CWC27: variants seen among roughly 807,000 people sequenced by gnomAD.
CWC27 encodes the protein CWC27 spliceosome associated cyclophilin.
A neutral mutation model predicts 63.6 loss-of-function variants in CWC27; 47 were observed. That is an observed-to-expected ratio of 0.74 (90% CI 0.58 to 0.94). The LOEUF (loss-of-function observed/expected upper bound fraction) is 0.94. CWC27 is among the 40% of genes least tolerant of loss of function. The pLI is 0.00. For missense variants in CWC27, 495 were observed against 554.3 expected (o/e 0.89, Z 1.07); for synonymous variants, 175 against 179.8 (o/e 0.97, Z 0.22).
intron 2 of CWC27, among the ~76,000 whole-genome samples, chr5:64,780,273 A>G (rs1384499561): frequency 6.6e-6 from 1 of 152,078 alleles, no homozygotes; most frequent in African/African-American, 2.4e-5. Context: ...CATCATATGT[A>G]TATATCACAT....
intron 11 of CWC27, among the ~76,000 whole-genome samples, chr5:64,895,422 G>GA (rs1250704226): frequency 6.6e-6 from 1 of 152,022 alleles, no homozygotes; most frequent in Non-Finnish European, 1.5e-5. Flanking sequence ...ATTTTGTGTG[G>GA]AATAACAAAC....
At chr5:64,950,985 T>G (rs1748695870) in intron 11 of CWC27, among the ~76,000 whole-genome samples, 1 of 152,058 alleles carries the variant, frequency 6.6e-6, no homozygotes, top group African/African-American at 2.4e-5. Flanking sequence ...TTCCACTGTA[T>G]GTGTATACCA....
At chr5:64,897,717 G>A (rs1412657919) in intron 11 of CWC27, among the ~76,000 whole-genome samples, 1 of 152,068 alleles carries the variant, frequency 6.6e-6, no homozygotes, top group Non-Finnish European at 1.5e-5. Flanking sequence ...CCTGCACATT[G>A]TGCACATGTA....
chr5:65,004,570 G>C (rs1749793631), intron 13 of CWC27, among the ~76,000 whole-genome samples: 1 of 130,608 alleles, frequency 7.7e-6, no homozygotes, highest in African/African-American at 3.2e-5. Context: ...CTATCTCGTT[G>C]AATTTTTCAT....
At chr5:64,921,986 C>T (rs1334746980) in intron 11 of CWC27, among the ~76,000 whole-genome samples, 1 of 152,174 alleles carries the variant, frequency 6.6e-6, no homozygotes, top group Non-Finnish European at 1.5e-5. Context: ...AAATAGGCCC[C>T]CAGTCACTTC....
At chr5:64,901,255 A>G (rs1185835067) in intron 11 of CWC27, among the ~76,000 whole-genome samples, 1 of 152,048 alleles carries the variant, frequency 6.6e-6, no homozygotes, top group East Asian at 1.9e-4. Context: ...TATAAAAGAG[A>G]TGGAGACCAT....
intron 11 of CWC27, among the ~76,000 whole-genome samples, chr5:64,938,244 G>A (rs936916249): frequency 3.9e-5 from 6 of 152,084 alleles, no homozygotes; most frequent in Admixed American, 2.0e-4. Context: ...GGCTGATACC[G>A]GTTTTTCCTT....
At chr5:64,866,489 G>A (rs1294147095) in intron 10 of CWC27, among the ~76,000 whole-genome samples, 3 of 152,032 alleles carry the variant, frequency 2.0e-5, no homozygotes, top group African/African-American at 7.2e-5. Flanking sequence ...AGGGTAGAAG[G>A]TTATGTTATT....
intron 11 of CWC27, among the ~76,000 whole-genome samples, chr5:64,903,226 G>T (rs923908403): frequency 6.6e-6 from 1 of 152,100 alleles, no homozygotes; most frequent in African/African-American, 2.4e-5. Context: ...ACATGCACAC[G>T]TATGTTTATT....
chr5:64,922,640 T>C (rs1561157820), intron 11 of CWC27, among the ~76,000 whole-genome samples: 1 of 152,234 alleles, frequency 6.6e-6, no homozygotes, highest in Non-Finnish European at 1.5e-5. Flanking sequence ...TTCAATCTGG[T>C]TCAAAACCAT....
chr5:64,849,086 C>T (rs1184106015), intron 10 of CWC27, among the ~76,000 whole-genome samples: 1 of 151,970 alleles, frequency 6.6e-6, no homozygotes, highest in Non-Finnish European at 1.5e-5. Context: ...ATGTAGAAAA[C>T]TCTACAGACT....
chr5:64,945,889 T>A (rs1000235337), intron 11 of CWC27, among the ~76,000 whole-genome samples: 1 of 152,178 alleles, frequency 6.6e-6, no homozygotes, highest in African/African-American at 2.4e-5. Flanking sequence ...AAAAGAAACT[T>A]GCTGCATATT....
intron 8 of CWC27, among the ~76,000 whole-genome samples, chr5:64,801,019 A>C (rs1454245393): frequency 6.6e-6 from 1 of 152,096 alleles, no homozygotes; most frequent in African/African-American, 2.4e-5. Context: ...TGTTTTTTGC[A>C]GACCATTGAT....
intron 11 of CWC27, among the ~76,000 whole-genome samples, chr5:64,940,436 G>C (rs755188601): frequency 6.6e-6 from 1 of 152,138 alleles, no homozygotes; most frequent in Non-Finnish European, 1.5e-5. Context: ...CCCTCCGTGG[G>C]CTGCACCCAC....
intron 10 of CWC27, among the ~76,000 whole-genome samples, chr5:64,880,718 G>A (rs1029950071): frequency 6.6e-6 from 1 of 151,154 alleles, no homozygotes; most frequent in African/African-American, 2.4e-5. Context: ...AGATTTACTA[G>A]ATAAAAAATA....
intron 4 of CWC27, among the ~76,000 whole-genome samples, chr5:64,784,604 G>C (rs949423236): frequency 7.9e-5 from 12 of 152,148 alleles, no homozygotes; most frequent in Admixed American, 7.2e-4. Flanking sequence ...AGCGCCCTCT[G>C]CTGGTTCAGT....
At chr5:64,947,247 A>G (rs1168502676) in intron 11 of CWC27, among the ~76,000 whole-genome samples, 1 of 152,110 alleles carries the variant, frequency 6.6e-6, no homozygotes, top group African/African-American at 2.4e-5. Context: ...GTTCCATCAG[A>G]TAAAGCTGTT....
chr5:64,897,508 T>C (rs1412594919), intron 11 of CWC27, among the ~76,000 whole-genome samples: 2 of 152,172 alleles, frequency 1.3e-5, no homozygotes, highest in East Asian at 3.9e-4. Context: ...CACCGCATGT[T>C]CTCACTCATA....
intron 10 of CWC27, among the ~76,000 whole-genome samples, chr5:64,875,403 A>G (rs1338831963): frequency 6.6e-6 from 1 of 152,156 alleles, no homozygotes. Context: ...CACATAGAAC[A>G]TTAGCTCTCA....
Sources: gnomAD v4.1 joint callset for allele counts (sites outside exome capture counted in the v4.1 genomes callset) on GRCh38, gnomAD v4.1.1 for gene constraint, MANE v1.5 for transcripts, NCBI Gene and HGNC (gene_info 2026-07-23, HGNC 2026-07-21) for gene names.